Variants in LYG1 observed in about 807,000 individuals in gnomAD.
LYG1 encodes lysozyme g1, also known as lysozyme g-like protein 1.
A neutral mutation model predicts 21.7 loss-of-function variants in LYG1; 17 were observed. The ratio of observed to expected loss-of-function variants is 0.78; its 90% CI spans 0.54 to 1.18. The LOEUF is 1.18. LYG1 is among the 50% of genes most tolerant of loss of function. The pLI is 0.00. For missense variants in LYG1, 211 were observed against 238.1 expected (o/e 0.89, Z 0.75); for synonymous variants, 81 against 87.4 (o/e 0.93, Z 0.41).
At chr2:99,297,651 G>A (rs563154356) in intron 2 of LYG1, among the ~76,000 whole-genome samples, 2 of 152,202 alleles carry the variant, frequency 1.3e-5, no homozygotes, top group African/African-American at 4.8e-5. Flanking sequence ...GTTGCTCCTG[G>A]GACCAGGTCA....
At chr2:99,291,088 G>T in intron 5 of LYG1, 149 bp downstream of exon 5, 1 of 654,654 alleles carries the variant, frequency 1.5e-6, no homozygotes, top group Non-Finnish European at 2.5e-6. Context: ...AAATGTTGCT[G>T]CTCATATCTC....
intron 4 of LYG1, among the ~76,000 whole-genome samples, chr2:99,292,241 C>T (rs1313883871): frequency 6.6e-6 from 1 of 152,108 alleles, no homozygotes; most frequent in Non-Finnish European, 1.5e-5. Flanking sequence ...CCTGAGATTG[C>T]ACCATTGCAC....
At chr2:99,288,315 GTCT>G (rs1200015811) in intron 5 of LYG1, among the ~76,000 whole-genome samples, 1 of 151,848 alleles carries the variant, frequency 6.6e-6, no homozygotes, top group Non-Finnish European at 1.5e-5. Flanking sequence ...TTCCTGATAG[GTCT>G]TCTTTTTACC....
upstream of LYG1, among the ~76,000 whole-genome samples, chr2:99,303,399 C>G (rs752236941): frequency 2.0e-5 from 3 of 152,134 alleles, no homozygotes; most frequent in Non-Finnish European, 4.4e-5. Flanking sequence ...GGGAGGTTCT[C>G]CTGGGCAGCA....
chr2:99,285,936 T>C (rs961514719), intron 5 of LYG1, among the ~76,000 whole-genome samples: 1 of 152,240 alleles, frequency 6.6e-6, no homozygotes, highest in African/African-American at 2.4e-5. Flanking sequence ...GTGAAATTCA[T>C]GTTGAAACTT....
At chr2:99,297,087 G>A (rs1390174638) in intron 2 of LYG1, among the ~76,000 whole-genome samples, 4 of 152,230 alleles carry the variant, frequency 2.6e-5, no homozygotes, top group African/African-American at 9.6e-5. Context: ...TTCAGTTGCA[G>A]TCATGCTTTT....
At chr2:99,301,717 C>A (rs1210885508), upstream of LYG1, among the ~76,000 whole-genome samples, 10 of 143,680 alleles carry the variant, frequency 7.0e-5, no homozygotes, top group African/African-American at 2.3e-4. Flanking sequence ...GACTGTGTTC[C>A]AAAAAAAAAA....
chr2:99,295,848 A>T (rs1235274055), intron 2 of LYG1, 146 bp from the exon 3 acceptor site: 3 of 761,450 alleles, frequency 3.9e-6, no homozygotes, highest in Non-Finnish European at 6.4e-6. Flanking sequence ...CATAGTGAAA[A>T]AAAAGCAAAA....
Position 99,292,684 on chromosome 2 carries a change from T to A in LYG1, c.44-44A>T, listed in dbSNP as rs754073867. 2.5e-6 allele frequency: 3 copies of A among 1,192,956 alleles called. No individual in the cohort carries two copies. In the South Asian group the frequency reaches 3.7e-5, roughly 15 times the overall value. The allele number at this position is 1,192,956 out of a possible 1,614,324, so 73.9% of individuals were successfully genotyped here. On this transcript the variant is annotated intron_variant, in intron 3 of 6. Transcript: ENST00000308528. ...TCAGCCTAAGGCATGGAACTAGTTC[T>A]CATCATTCTTCTGTCCATGAATAAA... is the stretch of plus-strand genomic sequence containing the variant.
At chr2:99,298,146 A>G (rs766744248) in intron 2 of LYG1, among the ~76,000 whole-genome samples, 12 of 152,140 alleles carry the variant, frequency 7.9e-5, no homozygotes, top group Non-Finnish European at 1.5e-4. Flanking sequence ...TTGAGACATC[A>G]CTCGGGTGTG....
At chr2:99,294,173 C>G (rs1007321382) in intron 3 of LYG1, among the ~76,000 whole-genome samples, 1 of 152,202 alleles carries the variant, frequency 6.6e-6, no homozygotes, top group African/African-American at 2.4e-5. Flanking sequence ...CTCGACCTCC[C>G]AAAGTTCTGG....
chr2:99,293,896 CATTAG>C, intron 3 of LYG1, among the ~76,000 whole-genome samples: 1 of 152,042 alleles, frequency 6.6e-6, no homozygotes, highest in East Asian at 1.9e-4. Context: ...AAGAATGTCT[CATTAG>C]ATTACTCTTT....
At chr2:99,298,943 T>A (rs970145435) in intron 1 of LYG1, among the ~76,000 whole-genome samples, 2 of 152,212 alleles carry the variant, frequency 1.3e-5, no homozygotes, top group African/African-American at 4.8e-5. Flanking sequence ...TTTGCTTTGT[T>A]TTGTTTGAGA....
At chr2:99,293,067 C>G (rs2094125258) in intron 3 of LYG1, among the ~76,000 whole-genome samples, 1 of 137,020 alleles carries the variant, frequency 7.3e-6, no homozygotes, top group Non-Finnish European at 1.5e-5. Context: ...TCTCGACTCT[C>G]TGCAACCTCT....
intron 5 of LYG1, among the ~76,000 whole-genome samples, chr2:99,287,204 A>G (rs145790389): frequency 6.6e-6 from 1 of 152,364 alleles, no homozygotes; most frequent in East Asian, 1.9e-4. Flanking sequence ...CATTGTGCCT[A>G]TAATTAACAA....
rs1167734227 is a variant in LYG1 at position 99,295,621 on chromosome 2, C to A, written c.43+7G>T. 1 of 1,614,028 alleles carries A rather than the reference C, an allele frequency of 6.2e-7. No homozygotes were observed. The highest frequency in any genetic ancestry group is 8.5e-7 in the Non-Finnish European group (1 of 1,180,028). ...CAAAGTCATTTGTAAAAATCAGCCA[C>A]ACTCACCCATCAGGGCAAGGAGGCC... On this transcript the variant is annotated splice_region_variant and intron_variant, in intron 3 of 6. Coordinates refer to ENST00000308528, the MANE Select transcript of LYG1 (RefSeq NM_174898.3).
upstream of LYG1, chr2:99,304,619 T>C: frequency 6.6e-6 from 1 of 152,394 alleles, no homozygotes; most frequent in Non-Finnish European, 1.5e-5. Context: ...TCTGGAATGC[T>C]GAAGATGAAA....
At chr2:99,301,667 C>T (rs1269405139), upstream of LYG1, among the ~76,000 whole-genome samples, 1 of 141,876 alleles carries the variant, frequency 7.0e-6, no homozygotes, top group Non-Finnish European at 1.5e-5. Flanking sequence ...GACATTGTAG[C>T]ATGAGAGTGA....
chr2:99,291,057 T>C (rs1309618417), intron 5 of LYG1, among the ~76,000 whole-genome samples, 180 bp downstream of exon 5: 2 of 152,176 alleles, frequency 1.3e-5, no homozygotes, highest in Non-Finnish European at 2.9e-5. Flanking sequence ...TGAAAAGAAA[T>C]TGTGGCTCAA....
Sources: gnomAD v4.1 joint callset for allele counts (sites outside exome capture counted in the v4.1 genomes callset) on GRCh38, gnomAD v4.1.1 for gene constraint, MANE v1.5 for transcripts, NCBI Gene and HGNC (gene_info 2026-07-23, HGNC 2026-07-21) for gene names.